Variants in CCDC172 observed in about 807,000 individuals in gnomAD.
CCDC172 encodes coiled-coil domain containing 172, also known as coiled-coil domain-containing protein 172.
Under a neutral mutation model 38.0 loss-of-function variants are expected in CCDC172, and 30 were observed. The ratio of observed to expected loss-of-function variants is 0.79; its 90% CI spans 0.59 to 1.07. The LOEUF (loss-of-function observed/expected upper bound fraction) is 1.07, where lower values mean the gene tolerates loss of function less well. Ranked by LOEUF, CCDC172 falls within the 50% of genes least tolerant of loss-of-function variation. CCDC172 has a pLI of 0.00. For missense variants in CCDC172, 297 were observed against 290.1 expected, an observed-to-expected ratio of 1.02 and a Z score of -0.17; for synonymous variants, 78 against 88.3, an observed-to-expected ratio of 0.88 and a Z score of 0.66.
chr10:116,339,947 A>G (rs1341119458), intron 3 of CCDC172, among the ~76,000 whole-genome samples: 1 of 151,858 alleles, frequency 6.6e-6, no homozygotes, highest in African/African-American at 2.4e-5. Context: ...CCCTGTGGAG[A>G]TGGGAACAGC....
intron 4 of CCDC172, among the ~76,000 whole-genome samples, 168 bp from the exon 5 acceptor site, chr10:116,341,868 G>A (rs1342593830): frequency 6.6e-6 from 1 of 151,618 alleles, no homozygotes; most frequent in Non-Finnish European, 1.5e-5. Context: ...AATAGCTTCA[G>A]TTTTTTATTA....
intron 5 of CCDC172, among the ~76,000 whole-genome samples, chr10:116,355,021 T>C (rs1302647011): frequency 6.6e-6 from 1 of 152,206 alleles, no homozygotes; most frequent in Non-Finnish European, 1.5e-5. Flanking sequence ...AAAGTTAACT[T>C]AAAAAGTTAA....
intron 3 of CCDC172, among the ~76,000 whole-genome samples, chr10:116,325,884 A>C (rs541843369): frequency 6.6e-6 from 1 of 152,272 alleles, no homozygotes; most frequent in South Asian, 2.1e-4. Flanking sequence ...CAGCGTTTGT[A>C]ATGTTCTGTT....
intron 7 of CCDC172, among the ~76,000 whole-genome samples, chr10:116,372,017 C>G (rs189228159): frequency 6.6e-6 from 1 of 152,016 alleles, no homozygotes; most frequent in Non-Finnish European, 1.5e-5. Flanking sequence ...CTTAGGCACC[C>G]TTTTTCCTTT....
chr10:116,372,295 G>A (rs1243678659), intron 7 of CCDC172, among the ~76,000 whole-genome samples: 1 of 151,892 alleles, frequency 6.6e-6, no homozygotes, highest in Non-Finnish European at 1.5e-5. Context: ...TTATTTTGTA[G>A]GAACTTTGGC....
At chr10:116,328,702 A>G (rs568296652) in intron 3 of CCDC172, among the ~76,000 whole-genome samples, 1 of 152,232 alleles carries the variant, frequency 6.6e-6, no homozygotes, top group Admixed American at 6.5e-5. Context: ...TTGTATTGAA[A>G]TTAAAAAGTA....
Position 116,325,538 on chromosome 10 carries a change from T to C in CCDC172, c.165+150T>C, listed in dbSNP as rs1046634943. ...GTTTTAGTTCCATGTTGCCTGGTGA[T>C]GTTTAAAGTTCTGAATCCCGTGACA... On this transcript the variant is annotated intron_variant, in intron 3 of 8. Coordinates refer to ENST00000333254, the MANE Select transcript of CCDC172 (RefSeq NM_198515.3). The C allele has an allele frequency of 2.3e-5, 14 of 608,120 alleles. No individual in the cohort carries two copies. The African/African-American group carries it at 2.6e-4, about 11-fold the overall frequency. 37.7% of individuals were successfully genotyped at this position (608,120 alleles called of 1,614,324 possible). A position where few individuals can be genotyped will look rare whatever the true frequency, so the allele number is the denominator to read the frequency against.
rs187810520 is a variant in CCDC172, at chr10:116,325,309, C to T, written c.86C>T (p.Ser29Leu). 5.6e-6 allele frequency: 9 copies of T among 1,612,080 alleles called. No individual in the cohort carries two copies. The highest frequency in any genetic ancestry group is 5.0e-5 in the Admixed American group (3 of 59,748). The change falls in exon 3 of 9, where the codon TCG (serine) becomes TTG (leucine). Residue 29 changes from serine to leucine, a missense_variant. Ser to Leu is a moderately radical substitution (Grantham distance 145). Coordinates refer to ENST00000333254, the MANE Select transcript of CCDC172 (RefSeq NM_198515.3). Reference protein sequence around the residue: ...ESRRLMREVRSEITRCREKIK... With the variant: ...ESRRLMREVRLEITRCREKIK... ...GATTTAATTTTTATTACAGTAAGGT[C>T]GGAAATAACCAGATGTCGTGAAAAA...
At chr10:116,336,232 TTTATA>T (rs1280468413) in intron 3 of CCDC172, among the ~76,000 whole-genome samples, 9 of 148,420 alleles carry the variant, frequency 6.1e-5, no homozygotes, top group African/African-American at 2.0e-4. Flanking sequence ...TGTATTATAT[TTTATA>T]TTATATATAA....
intron 3 of CCDC172, among the ~76,000 whole-genome samples, chr10:116,330,959 T>G (rs2134904547): frequency 6.6e-6 from 1 of 152,126 alleles, no homozygotes; most frequent in East Asian, 1.9e-4. Context: ...AGGCTAGTTT[T>G]GAACTCCTGG....
chr10:116,349,627 A>T (rs1844907316), intron 5 of CCDC172, among the ~76,000 whole-genome samples: 1 of 152,196 alleles, frequency 6.6e-6, no homozygotes, highest in Admixed American at 6.5e-5. Flanking sequence ...AGAGAGAGGA[A>T]CTACATTTGC....
chr10:116,333,054 C>G (rs1844685410), intron 3 of CCDC172, among the ~76,000 whole-genome samples: 1 of 152,010 alleles, frequency 6.6e-6, no homozygotes, highest in Admixed American at 6.6e-5. Context: ...CTTCCTTGCT[C>G]TTGTTTTCTA....
At chr10:116,341,622 G>T (rs558385680) in intron 4 of CCDC172, among the ~76,000 whole-genome samples, 5 of 151,916 alleles carry the variant, frequency 3.3e-5, no homozygotes, top group African/African-American at 4.8e-5. Flanking sequence ...ATCCTTGTTT[G>T]TTTGTTTGTT....
rs991506338 is a variant in CCDC172, at chr10:116,348,264, G to C, written c.448+6063G>C. Among the ~76,000 whole-genome samples, 4 of 152,050 alleles carry C rather than the reference G, an allele frequency of 2.6e-5. No homozygotes were observed. The East Asian group carries it at 7.8e-4, about 30-fold the overall frequency. On this transcript the variant is annotated intron_variant, in intron 5 of 8. Transcript: ENST00000333254. ...GCTGTTGACTTCCCAGAGCAGTTTA[G>C]CTTCCATTTGTCTTCTTACCTGTCA... is the stretch of plus-strand genomic sequence containing the variant.
chr10:116,349,854 G>A (rs1844910114), intron 5 of CCDC172, among the ~76,000 whole-genome samples: 1 of 152,140 alleles, frequency 6.6e-6, no homozygotes, highest in African/African-American at 2.4e-5. Flanking sequence ...TAGATAAGGG[G>A]TGGGGTTGCA....
intron 7 of CCDC172, among the ~76,000 whole-genome samples, chr10:116,358,512 G>T (rs1845028092): frequency 1.3e-5 from 2 of 152,000 alleles, no homozygotes. Flanking sequence ...TGTTACCTTT[G>T]CTGGCTTAAT....
intron 5 of CCDC172, among the ~76,000 whole-genome samples, chr10:116,343,647 G>A (rs1487705356): frequency 1.3e-5 from 2 of 151,614 alleles, no homozygotes; most frequent in African/African-American, 4.9e-5. Context: ...TTCAGTCCAA[G>A]CTCACTGTGT....
chr10:116,334,753 T>C (rs939351453), intron 3 of CCDC172, among the ~76,000 whole-genome samples: 2 of 152,108 alleles, frequency 1.3e-5, no homozygotes, highest in Non-Finnish European at 2.9e-5. Context: ...AATTGCTGTG[T>C]CAATGGGTCT....
At chr10:116,374,042 C>T (rs78569662) in intron 7 of CCDC172, among the ~76,000 whole-genome samples, 2,510 of 152,248 alleles carry the variant, frequency 0.016, 72 homozygotes, top group African/African-American at 0.058. Flanking sequence ...AACTCCTGGG[C>T]AGTTCTGCTC....
Sources: allele counts gnomAD v4.1 joint callset (sites outside exome capture counted in the v4.1 genomes callset), GRCh38; gene constraint gnomAD v4.1.1; transcripts MANE v1.5; gene names NCBI Gene and HGNC (gene_info 2026-07-23, HGNC 2026-07-21).